Variants in ARHGAP1 observed in about 807,000 individuals in gnomAD.
ARHGAP1 encodes the protein Rho GTPase activating protein 1, also known as rho GTPase-activating protein 1.
Under a neutral mutation model 52.2 loss-of-function variants are expected in ARHGAP1, and 23 were observed. The observed-to-expected ratio is 0.44, with a 90% CI of 0.32 to 0.62. ARHGAP1 has a LOEUF of 0.62. ARHGAP1 is among the 20% of genes least tolerant of loss of function. The pLI, the probability that ARHGAP1 is intolerant of heterozygous loss-of-function variation, is 0.05. For missense variants in ARHGAP1, 480 were observed against 560.9 expected (o/e 0.86, Z 1.46); for synonymous variants, 210 against 228.4 (o/e 0.92, Z 0.73).
Position 46,679,473 on chromosome 11 carries a change from G to A in ARHGAP1, c.1028-5C>T. 2 of 1,613,586 alleles carry A rather than the reference G, an allele frequency of 1.2e-6. No homozygotes were observed. The highest frequency in any genetic ancestry group is 2.2e-5 in the East Asian group (1 of 44,868). Reference sequence around the variant, plus strand: ...CCCTCTGGCTTTCATCAATGTCTATGAGGAAAGGAGGCCCGGGTTATAGGG... The same window carrying A: ...CCCTCTGGCTTTCATCAATGTCTATAAGGAAAGGAGGCCCGGGTTATAGGG... On this transcript the variant is annotated splice_region_variant and splice_polypyrimidine_tract_variant and intron_variant, in intron 11 of 12. Coordinates refer to ENST00000311956, the MANE Select transcript of ARHGAP1 (RefSeq NM_004308.5). The surrounding 1 kb of genome is among the most constrained non-coding windows in gnomAD (Gnocchi z 4.4).
rs906423389 is a variant in ARHGAP1 at position 46,694,437 on chromosome 11, G to C, written c.229+1223C>G. On this transcript the variant is annotated intron_variant, in intron 3 of 12. Transcript: ENST00000311956. ...AGCGAGCCAGGACGGACACCTACCT[G>C]GCTGGGCCCCCTCAGGCTCATCGTA... Among the ~76,000 whole-genome samples, 7 of 152,054 alleles carry C rather than the reference G, an allele frequency of 4.6e-5. No homozygotes were observed. The East Asian group carries it at 1.4e-3, about 29-fold the overall frequency.
In ARHGAP1 at chr11:46,680,868, C is replaced by G. The variant is rs1162534621; in HGVS notation, c.636-121G>C. 9.3e-7 allele frequency: 1 copy of G among 1,074,320 alleles called. No individual in the cohort carries two copies. The highest frequency in any genetic ancestry group is 2.3e-5 in the Admixed American group (1 of 43,322). 66.5% of individuals were successfully genotyped at this position (1,074,320 alleles called of 1,614,324 possible). A position where few individuals can be genotyped will look rare whatever the true frequency, so the allele number is the denominator to read the frequency against. On this transcript the variant is annotated intron_variant, in intron 7 of 12. Transcript: ENST00000311956. The surrounding 1 kb of genome is among the most constrained non-coding windows in gnomAD (Gnocchi z 5.9). Reference sequence around the variant, plus strand: ...ATCTCATGCGATCTCTGTAACAACTCCGCTTTCCACAGCAGAAAGCAAAGA... The same window carrying G: ...ATCTCATGCGATCTCTGTAACAACTGCGCTTTCCACAGCAGAAAGCAAAGA...
intron 4 of ARHGAP1, among the ~76,000 whole-genome samples, chr11:46,684,980 C>T (rs1012447440): frequency 2.0e-5 from 3 of 149,914 alleles, no homozygotes; most frequent in East Asian, 4.1e-4. Context: ...CCCAGCTACT[C>T]GGGAGGCTGA....
intron 3 of ARHGAP1, among the ~76,000 whole-genome samples, chr11:46,692,115 G>A (rs1412013184): frequency 6.6e-6 from 1 of 152,206 alleles, no homozygotes; most frequent in Non-Finnish European, 1.5e-5. Flanking sequence ...AGATCCCGGA[G>A]GCCAGCTGGG....
At position 46,696,189 on chromosome 11, in the gene ARHGAP1, G is replaced by A; in HGVS notation, c.-49-33C>T. 6.8e-7 allele frequency: 1 copy of A among 1,470,202 alleles called. No homozygotes were observed. The highest frequency in any genetic ancestry group is 9.1e-7 in the Non-Finnish European group (1 of 1,095,098). 91.1% of individuals were successfully genotyped at this position (1,470,202 alleles called of 1,614,324 possible). ...AGAGGAAGACAGGTGGCAGGTCAGT[G>A]ACCTGCTCTTTTCACCTTCTGCGAC... On this transcript the variant is annotated intron_variant, in intron 1 of 12. Transcript: ENST00000311956. The surrounding 1 kb of genome is among the most constrained non-coding windows in gnomAD (Gnocchi z 4.8).
intron 3 of ARHGAP1, among the ~76,000 whole-genome samples, chr11:46,688,726 C>T (rs928638042): frequency 2.0e-5 from 3 of 151,836 alleles, no homozygotes; most frequent in Non-Finnish European, 2.9e-5. Flanking sequence ...CCTCCTGCCT[C>T]AGCCTCCCAA....
Position 46,681,233 on chromosome 11 carries a change from C to G in ARHGAP1, c.536+60G>C. ...ACCTGGTGGTCCCCAGGCTGCCCAG[C>G]CTCCCAGCTTCAGAGTTCCAGGCAA... On this transcript the variant is annotated intron_variant, in intron 6 of 12. Coordinates refer to ENST00000311956, the MANE Select transcript of ARHGAP1 (RefSeq NM_004308.5). This position sits in a 1 kb window ranked among gnomAD's most constrained non-coding sequence, Gnocchi z 5.7. 6.4e-7 allele frequency: 1 copy of G among 1,564,516 alleles called. No homozygotes were observed. Among genetic ancestry groups the G allele is most frequent in the Non-Finnish European group, 8.8e-7 (1 of 1,135,044 alleles).
chr11:46,679,953 G>T lies in ARHGAP1; in HGVS notation c.899-177C>A. 1 of 1,164,206 alleles carries T rather than the reference G, an allele frequency of 8.6e-7. No individual in the cohort carries two copies. Among genetic ancestry groups the T allele is most frequent in the Non-Finnish European group, 1.2e-6 (1 of 844,406 alleles). 72.1% of individuals were successfully genotyped at this position (1,164,206 alleles called of 1,614,324 possible). On this transcript the variant is annotated intron_variant, in intron 10 of 12. Transcript: ENST00000311956. The surrounding 1 kb of genome is among the most constrained non-coding windows in gnomAD (Gnocchi z 4.4). ...CTGTGATCAGAGAATGCAGGTTCCG[G>T]CCATCTGGGGAAGTGGGGCCCGGCA...
rs1197903270 is a variant in ARHGAP1 at position 46,677,900 on chromosome 11, C to T, written c.*1137G>A. 4.9e-5 allele frequency: 21 copies of T among 425,244 alleles called. No homozygotes were observed. Among genetic ancestry groups the T allele is most frequent in the Non-Finnish European group, 8.3e-5 (18 of 216,336 alleles). The allele number at this position is 425,244 out of a possible 1,614,324, so 26.3% of individuals were successfully genotyped here. Reference sequence around the variant, plus strand: ...AGAAGGCGGAGGTGTGCCGAGATCGCGCCACTGCACTCCAGCCTGGTGACA... The same window carrying T: ...AGAAGGCGGAGGTGTGCCGAGATCGTGCCACTGCACTCCAGCCTGGTGACA... On this transcript the variant is annotated 3_prime_UTR_variant, in exon 13 of 13. Transcript: ENST00000311956.
intron 3 of ARHGAP1, chr11:46,694,963 A>G (rs1376994572): frequency 6.1e-6 from 1 of 164,928 alleles, no homozygotes; most frequent in Non-Finnish European, 1.3e-5. Flanking sequence ...TGGCCTCACC[A>G]GCAAGGATGG....
In ARHGAP1 at chr11:46,681,926, C is replaced by T. The variant is rs997656076; in HGVS notation, c.449+125G>A. ...TCTGACTGCAGATTCTTTACATTGA[C>T]GTAGACGGCAGCCCCCGCCACCCCC... is the stretch of plus-strand genomic sequence containing the variant. On this transcript the variant is annotated intron_variant, in intron 5 of 12. Transcript: ENST00000311956. This position sits in a 1 kb window ranked among gnomAD's most constrained non-coding sequence, Gnocchi z 5.7. 1.9e-5 allele frequency: 25 copies of T among 1,350,534 alleles called. No homozygotes were observed. Among genetic ancestry groups the T allele is most frequent in the Non-Finnish European group, 2.4e-5 (24 of 985,974 alleles). 83.7% of individuals were successfully genotyped at this position (1,350,534 alleles called of 1,614,324 possible).
rs917412360 is a variant in ARHGAP1, at chr11:46,680,457, G to A, written c.820+30C>T. On this transcript the variant is annotated intron_variant, in intron 9 of 12. Transcript: ENST00000311956. This position sits in a 1 kb window ranked among gnomAD's most constrained non-coding sequence, Gnocchi z 5.9. ...CTTCCTGAAGGGAGCCGGGAGACCT[G>A]GCTGGTGAGGAGGCAGGCCCGGCAC... 6.2e-6 allele frequency: 10 copies of A among 1,611,708 alleles called. No individual in the cohort carries two copies. Among genetic ancestry groups the A allele is most frequent in the African/African-American group, 4.0e-5 (3 of 74,848 alleles).
At position 46,681,281 on chromosome 11, in the gene ARHGAP1, G is replaced by A. The variant is rs367943523; in HGVS notation, c.536+12C>T. ...CAAGCCGGGACCACCAGCCCTGCCC[G>A]TGGCCACTCACCTGATGAGGGGCTT... On this transcript the variant is annotated intron_variant, in intron 6 of 12. Coordinates refer to ENST00000311956, the MANE Select transcript of ARHGAP1 (RefSeq NM_004308.5). This position sits in a 1 kb window ranked among gnomAD's most constrained non-coding sequence, Gnocchi z 5.7. 1.2e-4 allele frequency: 189 copies of A among 1,607,660 alleles called. No homozygotes were observed. The African/African-American group carries it at 1.9e-3, about 17-fold the overall frequency.
chr11:46,679,131 G>A lies in ARHGAP1; in HGVS notation c.1226C>T (p.Thr409Ile). Residue 409 changes from threonine to isoleucine, a missense_variant, in exon 13 of 13, where the codon ACC (threonine) becomes ATC (isoleucine). Physicochemically the swap from Thr to Ile is moderately conservative, Grantham distance 89 (BLOSUM62 -1). Transcript: ENST00000311956. The surrounding 1 kb of genome is among the most constrained non-coding windows in gnomAD (Gnocchi z 4.4). The part of the protein sequence containing the change: ...NLLWAKDAAI[T>I]LKAINPINTF... ...GTTGATGGGATTAATGGCCTTGAGG[G>A]TGATGGCCGCATCCTTGGCCCACAG... 2 of 1,614,132 alleles carry A rather than the reference G, an allele frequency of 1.2e-6. No homozygotes were observed. The highest frequency in any genetic ancestry group is 1.7e-6 in the Non-Finnish European group (2 of 1,179,978).
At chr11:46,695,776 A>G (rs1418471809) in intron 2 of ARHGAP1, 21 bp from the exon 3 acceptor site, 8 of 1,553,238 alleles carry the variant, frequency 5.2e-6, no homozygotes, top group South Asian at 3.6e-5. Context: ...CAGCAGGGTC[A>G]GGGGACAAGC....
rs1349221160 is a variant in ARHGAP1 at position 46,679,241 on chromosome 11, G to C, written c.1132-16C>G. ...GTGCAGAAATCTGTGGAGGGAATCAGGGACTGCAGCAGGAAGCCACAGATG... is the reference window on the plus strand; with the variant it reads ...GTGCAGAAATCTGTGGAGGGAATCACGGACTGCAGCAGGAAGCCACAGATG... On this transcript the variant is annotated splice_polypyrimidine_tract_variant and intron_variant, in intron 12 of 12. Coordinates refer to ENST00000311956, the MANE Select transcript of ARHGAP1 (RefSeq NM_004308.5). The surrounding 1 kb of genome is among the most constrained non-coding windows in gnomAD (Gnocchi z 4.4). The C allele has an allele frequency of 1.9e-6, 3 of 1,593,784 alleles. No homozygotes were observed. The Admixed American group carries it at 5.1e-5, about 27-fold the overall frequency.
chr11:46,688,342 T>C, intron 3 of ARHGAP1, 82 bp from the exon 4 acceptor site: 1 of 1,374,230 alleles, frequency 7.3e-7, no homozygotes, highest in South Asian at 1.3e-5. Context: ...GGGCCAGGCC[T>C]GCTGATCTGA....
chr11:46,679,453 T>C lies in ARHGAP1; in HGVS notation c.1043A>G (p.Gln348Arg). 1 of 1,614,154 alleles carries C rather than the reference T, an allele frequency of 6.2e-7. No individual in the cohort carries two copies. Among genetic ancestry groups the C allele is most frequent in the African/African-American group, 1.3e-5 (1 of 75,048 alleles). ...VVGFLNIDES[Q>R]RVPATLQVLQ... is the part of the protein sequence containing the mutation. Reference sequence around the variant, plus strand: ...GACCTGCAGTGTCGCTGGCACCCTCTGGCTTTCATCAATGTCTATGAGGAA... The same window carrying C: ...GACCTGCAGTGTCGCTGGCACCCTCCGGCTTTCATCAATGTCTATGAGGAA... Residue 348 changes from glutamine to arginine, a missense_variant, in exon 12 of 13, where the codon CAG (glutamine) becomes CGG (arginine). Transcript: ENST00000311956. This position sits in a 1 kb window ranked among gnomAD's most constrained non-coding sequence, Gnocchi z 4.4.
chr11:46,687,263 G>C (rs1035594339), intron 4 of ARHGAP1: 12 of 152,296 alleles, frequency 7.9e-5, no homozygotes, highest in African/African-American at 2.9e-4. Context: ...CAGAAGGCCA[G>C]AGAGATAGAA....
Sources: gnomAD v4.1 joint callset for allele counts (sites outside exome capture counted in the v4.1 genomes callset) on GRCh38, gnomAD v4.1.1 for gene constraint, Gnocchi (gnomAD v3.1) non-coding constraint, MANE v1.5 for transcripts, NCBI Gene and HGNC (gene_info 2026-07-23, HGNC 2026-07-21) for gene names.